Variants in SND1 observed in about 807,000 individuals in gnomAD.
SND1 encodes staphylococcal nuclease and tudor domain containing 1.
In SND1, 38 loss-of-function variants were observed where a neutral mutation model predicts 121.7. The observed-to-expected ratio is 0.31, with a 90% confidence interval of 0.24 to 0.41. SND1 has a LOEUF of 0.41. SND1 is among the 10% of genes least tolerant of loss of function. The probability of loss-of-function intolerance (pLI) is 1.00; values close to 1 mark genes in which losing one functional copy is unlikely to be tolerated. For missense variants in SND1, 868 were observed against 1,184.6 expected (o/e 0.73, Z 3.92); for synonymous variants, 401 against 447.4 (o/e 0.90, Z 1.31).
At chr7:127,672,612 CAAA>C (rs879874752) in intron 1 of SND1, among the ~76,000 whole-genome samples, 1 of 133,492 alleles carries the variant, frequency 7.5e-6, no homozygotes. Flanking sequence ...AACTCCATCT[CAAA>C]AAAAAAAAAG....
chr7:128,091,280 G>A lies in SND1; in HGVS notation c.2623-557G>A, dbSNP rs113051162. 5.9e-3 allele frequency among the ~76,000 whole-genome samples: 901 copies of A among 152,278 alleles called. 5 individuals carry two copies. The highest frequency in any genetic ancestry group is 0.02 in the African/African-American group (817 of 41,554). ...GTCTGGAGTACAATGGCACAGTGCC[G>A]GAATCACGACTCACTGCAGCCTTCA... On this transcript the variant is annotated intron_variant, in intron 22 of 23. Transcript: ENST00000354725.
chr7:127,889,531 CTT>C (rs975073331), intron 13 of SND1, among the ~76,000 whole-genome samples: 9 of 151,962 alleles, frequency 5.9e-5, no homozygotes, highest in African/African-American at 9.7e-5. Flanking sequence ...TAGTTATACT[CTT>C]TTAGTTATTT....
At position 127,872,599 on chromosome 7, in the gene SND1, T is replaced by TC. The variant is rs549353257; in HGVS notation, c.1344-15302dup. Among the ~76,000 whole-genome samples the TC allele has an allele frequency of 1.0e-3, 153 of 150,268 alleles. 1 individual carries two copies. Among genetic ancestry groups the TC allele is most frequent in the African/African-American group, 3.5e-3 (143 of 40,790 alleles). Reference sequence around the variant, plus strand: ...GTTAAAGTGTTGATATGACACAGTATCTTACATTAGACCTTTTTTAACACA... The same window carrying TC: ...GTTAAAGTGTTGATATGACACAGTATCCTTACATTAGACCTTTTTTAACACA... On this transcript the variant is annotated intron_variant, in intron 12 of 23. Transcript: ENST00000354725.
chr7:128,089,469 T>C lies in SND1; in HGVS notation c.2419-20T>C, dbSNP rs1385802151. On this transcript the variant is annotated intron_variant, in intron 21 of 23. Transcript: ENST00000354725. ...GGTTGTTCTCTGGCTTGCTCTGACCTGAGTGTGTCTCTGCTCCAGGATGAT... is the reference window on the plus strand; with the variant it reads ...GGTTGTTCTCTGGCTTGCTCTGACCCGAGTGTGTCTCTGCTCCAGGATGAT... 4.4e-6 allele frequency: 7 copies of C among 1,600,086 alleles called. No individual in the cohort carries two copies. Among genetic ancestry groups the C allele is most frequent in the Non-Finnish European group, 6.0e-6 (7 of 1,170,458 alleles).
At chr7:128,038,915 A>T (rs532331566) in intron 16 of SND1, among the ~76,000 whole-genome samples, 2 of 152,298 alleles carry the variant, frequency 1.3e-5, no homozygotes, top group East Asian at 3.9e-4. Context: ...AGTAGATCAG[A>T]TTATGTTATT....
chr7:127,929,448 C>A, intron 15 of SND1, 119 bp downstream of exon 15: 1 of 1,009,674 alleles, frequency 9.9e-7, no homozygotes. Flanking sequence ...CTCTTCCTCT[C>A]TGGTTGGGAT....
chr7:127,764,052 A>C (rs1250744145), intron 10 of SND1, among the ~76,000 whole-genome samples: 2 of 130,850 alleles, frequency 1.5e-5, no homozygotes, highest in South Asian at 2.3e-4. Context: ...AAAAAAAAAA[A>C]CAAAAAAACA....
At chr7:127,854,710 C>G (rs1304253782) in intron 12 of SND1, among the ~76,000 whole-genome samples, 1 of 151,800 alleles carries the variant, frequency 6.6e-6, no homozygotes, top group Non-Finnish European at 1.5e-5. Context: ...GACATGGTTA[C>G]CAATAAGCAA....
At chr7:127,888,780 G>C (rs568689628) in intron 13 of SND1, among the ~76,000 whole-genome samples, 1 of 152,204 alleles carries the variant, frequency 6.6e-6, no homozygotes, top group Admixed American at 6.5e-5. Context: ...TTGTTTAAAC[G>C]TGATTTCAGA....
At chr7:127,975,394 T>G (rs966642385) in intron 15 of SND1, among the ~76,000 whole-genome samples, 61 of 149,622 alleles carry the variant, frequency 4.1e-4, no homozygotes, top group Admixed American at 3.3e-4. Context: ...CGTGTGTGTG[T>G]GTGTGTGTGT....
chr7:128,050,218 G>A (rs1793022479), intron 16 of SND1, among the ~76,000 whole-genome samples: 1 of 152,146 alleles, frequency 6.6e-6, no homozygotes, highest in Non-Finnish European at 1.5e-5. Context: ...TGGTTTTTCT[G>A]TTTGAACGCC....
At chr7:127,779,737 A>G (rs757007318) in intron 10 of SND1, among the ~76,000 whole-genome samples, 4 of 152,224 alleles carry the variant, frequency 2.6e-5, no homozygotes, top group Non-Finnish European at 4.4e-5. Flanking sequence ...CAAGTTCGCC[A>G]AACTGGATTG....
At chr7:127,897,118 T>A (rs1800134709) in intron 13 of SND1, among the ~76,000 whole-genome samples, 1 of 152,184 alleles carries the variant, frequency 6.6e-6, no homozygotes, top group Non-Finnish European at 1.5e-5. Context: ...CATTTCTGTT[T>A]TATCCTAAGC....
chr7:128,012,408 G>A (rs1245368546), intron 16 of SND1, among the ~76,000 whole-genome samples: 1 of 152,154 alleles, frequency 6.6e-6, no homozygotes, highest in Non-Finnish European at 1.5e-5. Flanking sequence ...GCTACACCAG[G>A]GCAATGGAAG....
At chr7:128,003,637 C>T (rs903239069) in intron 16 of SND1, among the ~76,000 whole-genome samples, 16 of 152,166 alleles carry the variant, frequency 1.1e-4, no homozygotes, top group Admixed American at 3.9e-4. Context: ...CTCAAACCAC[C>T]GACCCAGGGT....
In SND1 at chr7:128,052,601, C is replaced by T. The variant is rs903526907; in HGVS notation, c.1780-21901C>T. The stretch of plus-strand genomic sequence containing the variant: ...GTGTATCTGCATGCTCACACCGCAG[C>T]CTGATCGATGCCTGTCAGAGCTCAG... On this transcript the variant is annotated intron_variant, in intron 16 of 23. Transcript: ENST00000354725. The surrounding 1 kb of genome is among the most constrained non-coding windows in gnomAD (Gnocchi z 4.6). Among the ~76,000 whole-genome samples the T allele has an allele frequency of 6.6e-6, 1 of 152,230 alleles. No individual in the cohort carries two copies. Among genetic ancestry groups the T allele is most frequent in the African/African-American group, 2.4e-5 (1 of 41,460 alleles).
At position 127,732,863 on chromosome 7, in the gene SND1, C is replaced by T. The variant is rs902763526; in HGVS notation, c.1152+11463C>T. 3.3e-5 allele frequency among the ~76,000 whole-genome samples: 5 copies of T among 152,286 alleles called. No homozygotes were observed. The South Asian group carries it at 6.2e-4, about 19-fold the overall frequency. ...CAGAAACGAGTGGATGCTGCATGCT[C>T]ATGGTATGGCACAGTGTTCTTCATT... is the stretch of plus-strand genomic sequence containing the variant. On this transcript the variant is annotated intron_variant, in intron 10 of 23. Coordinates refer to ENST00000354725, the MANE Select transcript of SND1 (RefSeq NM_014390.4).
At chr7:127,788,704 CCTT>C (rs1326153752) in intron 10 of SND1, among the ~76,000 whole-genome samples, 1 of 152,162 alleles carries the variant, frequency 6.6e-6, no homozygotes, top group Non-Finnish European at 1.5e-5. Flanking sequence ...GTCATATCTT[CCTT>C]CTTCAAATTC....
intron 1 of SND1, among the ~76,000 whole-genome samples, chr7:127,680,749 C>A (rs1355769791): frequency 6.7e-6 from 1 of 149,332 alleles, no homozygotes; most frequent in South Asian, 2.2e-4. Flanking sequence ...GGTTCTGAGG[C>A]GACATACATC....
Sources: allele counts gnomAD v4.1 joint callset (sites outside exome capture counted in the v4.1 genomes callset), GRCh38; gene constraint gnomAD v4.1.1; non-coding constraint Gnocchi (gnomAD v3.1); transcripts MANE v1.5; gene names NCBI Gene and HGNC (gene_info 2026-07-23, HGNC 2026-07-21).